The following HECW2 variants were observed in gnomAD, a reference collection of about 807,000 sequenced individuals.
The protein encoded by HECW2 is E3 ubiquitin-protein ligase HECW2.
HECW2 carries 61 observed loss-of-function variants against 175.2 expected under a neutral mutation model. The observed-to-expected ratio is 0.35, with a 90% CI of 0.28 to 0.43. The LOEUF (loss-of-function observed/expected upper bound fraction) is 0.43. HECW2 is among the 20% of genes least tolerant of loss of function. The pLI is 1.00. For synonymous variants in HECW2, 671 were observed against 731.0 expected, an observed-to-expected ratio of 0.92 and a Z score of 1.32; for missense variants, 1,524 against 2,000.5, an observed-to-expected ratio of 0.76 and a Z score of 4.54.
chr2:196,322,932 C>T (rs1407168384), intron 6 of HECW2, among the ~76,000 whole-genome samples: 7 of 152,204 alleles, frequency 4.6e-5, no homozygotes, highest in African/African-American at 1.7e-4. Context: ...AATTTTAGTA[C>T]TCCCTACATT....
At chr2:196,554,710 T>C (rs908331898) in intron 1 of HECW2, among the ~76,000 whole-genome samples, 4 of 152,236 alleles carry the variant, frequency 2.6e-5, no homozygotes, top group Admixed American at 6.5e-5. Context: ...TCCACTTTAA[T>C]TTCCACCAGC....
At chr2:196,505,173 TA>T (rs1017178200) in intron 1 of HECW2, among the ~76,000 whole-genome samples, 1 of 152,058 alleles carries the variant, frequency 6.6e-6, no homozygotes, top group Non-Finnish European at 1.5e-5. Flanking sequence ...CCTTACCATT[TA>T]AAAAAACTTT....
chr2:196,379,419 C>T (rs998158203), intron 2 of HECW2, among the ~76,000 whole-genome samples: 28 of 152,140 alleles, frequency 1.8e-4, no homozygotes, highest in African/African-American at 6.5e-4. Flanking sequence ...GGCGTGGTGG[C>T]TCATGCCTGT....
chr2:196,304,846 C>G lies in HECW2; in HGVS notation c.2814+1642G>C, dbSNP rs571631833. On this transcript the variant is annotated intron_variant, in intron 13 of 28. Transcript: ENST00000644978. Reference sequence around the variant, plus strand: ...TCCTATGTTCTCAATACACCAGCAACACCGAATTGCTTACAATACTAATAA... The same window carrying G: ...TCCTATGTTCTCAATACACCAGCAAGACCGAATTGCTTACAATACTAATAA... 2.6e-5 allele frequency among the ~76,000 whole-genome samples: 4 copies of G among 152,324 alleles called. No individual in the cohort carries two copies. The East Asian group carries it at 7.7e-4, about 29-fold the overall frequency.
chr2:196,509,645 C>G (rs982893793), intron 1 of HECW2, among the ~76,000 whole-genome samples: 2 of 152,216 alleles, frequency 1.3e-5, no homozygotes, highest in African/African-American at 4.8e-5. Context: ...ATATGAAACT[C>G]ACAGTATCAC....
chr2:196,386,732 T>C (rs1694362525), intron 2 of HECW2, among the ~76,000 whole-genome samples: 1 of 151,688 alleles, frequency 6.6e-6, no homozygotes. Flanking sequence ...CCAGTGTAGA[T>C]ACTGTTATCA....
intron 1 of HECW2, among the ~76,000 whole-genome samples, chr2:196,545,000 A>G (rs937974852): frequency 1.3e-5 from 2 of 152,168 alleles, no homozygotes; most frequent in Non-Finnish European, 2.9e-5. Context: ...AGTGAAACTC[A>G]TAAGATCTAC....
chr2:196,339,163 T>G (rs2105816787), intron 3 of HECW2, among the ~76,000 whole-genome samples: 1 of 152,318 alleles, frequency 6.6e-6, no homozygotes, highest in South Asian at 2.1e-4. Context: ...AAGACCTTTC[T>G]GATATTGGTG....
intron 17 of HECW2, among the ~76,000 whole-genome samples, chr2:196,265,514 C>T (rs1352584603): frequency 6.6e-6 from 1 of 151,936 alleles, no homozygotes; most frequent in East Asian, 1.9e-4. Context: ...AAAAGAGATC[C>T]TAGATCCTAG....
At chr2:196,327,566 T>G (rs990644805) in intron 5 of HECW2, among the ~76,000 whole-genome samples, 3 of 152,216 alleles carry the variant, frequency 2.0e-5, no homozygotes, top group African/African-American at 7.2e-5. Context: ...CCCCTACCTA[T>G]CCATAGATAA....
At chr2:196,344,495 T>C (rs529980672) in intron 2 of HECW2, among the ~76,000 whole-genome samples, 2 of 152,112 alleles carry the variant, frequency 1.3e-5, no homozygotes, top group Non-Finnish European at 2.9e-5. Context: ...ACAGAGGCCA[T>C]GATTACAATT....
At chr2:196,413,076 G>A (rs1377346556) in intron 2 of HECW2, among the ~76,000 whole-genome samples, 1 of 152,168 alleles carries the variant, frequency 6.6e-6, no homozygotes, top group Non-Finnish European at 1.5e-5. Flanking sequence ...AATAGAGCTG[G>A]GCATGATAGC....
At chr2:196,340,681 A>G (rs893370802) in intron 3 of HECW2, among the ~76,000 whole-genome samples, 1 of 150,976 alleles carries the variant, frequency 6.6e-6, no homozygotes, top group Non-Finnish European at 1.5e-5. Context: ...AACTTCTTTT[A>G]TATTGCAAGG....
At chr2:196,315,108 C>T (rs1310911108) in intron 10 of HECW2, among the ~76,000 whole-genome samples, 2 of 151,072 alleles carry the variant, frequency 1.3e-5, no homozygotes, top group Non-Finnish European at 2.9e-5. Flanking sequence ...ATACACATCC[C>T]CAGATTTGCA....
chr2:196,566,948 C>T (rs904567795), intron 1 of HECW2, among the ~76,000 whole-genome samples: 4 of 152,076 alleles, frequency 2.6e-5, no homozygotes, highest in Admixed American at 6.6e-5. Flanking sequence ...TAGGCATTCC[C>T]CAAAATCTAA....
chr2:196,374,206 C>T (rs1693987317), intron 2 of HECW2, among the ~76,000 whole-genome samples: 1 of 151,982 alleles, frequency 6.6e-6, no homozygotes, highest in African/African-American at 2.4e-5. Context: ...ATGTAGCCAT[C>T]CCATGATATT....
chr2:196,512,055 A>C (rs1191275451), intron 1 of HECW2, among the ~76,000 whole-genome samples: 1 of 152,228 alleles, frequency 6.6e-6, no homozygotes, highest in Non-Finnish European at 1.5e-5. Context: ...TTCATTGCCC[A>C]CAAGGCCGAG....
intron 1 of HECW2, among the ~76,000 whole-genome samples, chr2:196,485,689 A>G (rs1686977983): frequency 6.6e-6 from 1 of 152,238 alleles, no homozygotes; most frequent in Non-Finnish European, 1.5e-5. Flanking sequence ...GGACCGAGGA[A>G]GGCGTGTTTA....
At chr2:196,411,430 C>T (rs1695107460) in intron 2 of HECW2, among the ~76,000 whole-genome samples, 1 of 152,210 alleles carries the variant, frequency 6.6e-6, no homozygotes, top group Admixed American at 6.5e-5. Flanking sequence ...AAACAAAAAA[C>T]TCGCAAGGCA....
Sources: allele counts gnomAD v4.1 joint callset (sites outside exome capture counted in the v4.1 genomes callset), GRCh38; gene constraint gnomAD v4.1.1; transcripts MANE v1.5; gene names NCBI Gene and HGNC (gene_info 2026-07-23, HGNC 2026-07-21).